Variants in ABCA4 observed in about 807,000 individuals in gnomAD.
The protein encoded by ABCA4 is ATP binding cassette subfamily A member 4.
Under a neutral mutation model 263.7 loss-of-function variants are expected in ABCA4, and 196 were observed. The ratio of observed to expected loss-of-function variants is 0.74; its 90% CI spans 0.66 to 0.84. ABCA4 has a LOEUF of 0.84. ABCA4 is among the 40% of genes least tolerant of loss of function. ABCA4 has a pLI of 0.00. For synonymous variants in ABCA4, 1,133 were observed against 1,094.2 expected (o/e 1.04, Z -0.70); for missense variants, 2,792 against 2,855.1 (o/e 0.98, Z 0.50).
intron 30 of ABCA4, among the ~76,000 whole-genome samples, chr1:94,028,060 T>C (rs1257017222): frequency 6.6e-6 from 1 of 152,214 alleles, no homozygotes; most frequent in African/African-American, 2.4e-5. Flanking sequence ...CCCACATGAT[T>C]TCATTAAATC....
rs1280860815 is a variant in ABCA4 at position 94,032,183 on chromosome 1, ATCT to A, written c.3863-143_3863-141del. 1.1e-5 allele frequency: 11 copies of A among 1,025,262 alleles called. No individual in the cohort carries two copies. In the Admixed American group the frequency reaches 1.8e-4, roughly 17 times the overall value. The allele number at this position is 1,025,262 out of a possible 1,614,324, so 63.5% of individuals were successfully genotyped here. On this transcript the variant is annotated intron_variant, in intron 26 of 49. Transcript: ENST00000370225. ...GAAATACCAGGCTGGTAGCTTAATC[ATCT>A]TTATAAAAATCTATTTCTAGTGTAA...
chr1:94,107,344 A>C (rs1006530081), intron 4 of ABCA4, among the ~76,000 whole-genome samples: 4 of 152,186 alleles, frequency 2.6e-5, no homozygotes, highest in African/African-American at 9.7e-5. Flanking sequence ...CCAAAGCTGC[A>C]GCAACCCCTG....
At chr1:94,048,809 T>A in intron 18 of ABCA4, 59 bp downstream of exon 18, 1 of 1,538,928 alleles carries the variant, frequency 6.5e-7, no homozygotes, top group Non-Finnish European at 9.0e-7. Flanking sequence ...GCTCTGGCCC[T>A]CTGCAGTGCT....
intron 30 of ABCA4, among the ~76,000 whole-genome samples, chr1:94,028,357 T>C (rs1465747276): frequency 6.6e-6 from 1 of 152,226 alleles, no homozygotes; most frequent in Non-Finnish European, 1.5e-5. Flanking sequence ...TAATCTGTTC[T>C]GGACTTTAGA....
intron 6 of ABCA4, among the ~76,000 whole-genome samples, chr1:94,093,994 C>T (rs1662047518): frequency 6.6e-6 from 1 of 152,166 alleles, no homozygotes; most frequent in Non-Finnish European, 1.5e-5. Context: ...CCTGCTGTTC[C>T]CTGGTACTGG....
intron 38 of ABCA4, among the ~76,000 whole-genome samples, chr1:94,014,113 T>A (rs1659650367): frequency 6.6e-6 from 1 of 152,118 alleles, no homozygotes; most frequent in African/African-American, 2.4e-5. Context: ...AATCAAGTTT[T>A]GCTTGCAGAA....
At chr1:94,114,489 T>TC (rs1310815752) in intron 1 of ABCA4, among the ~76,000 whole-genome samples, 1 of 77,656 alleles carries the variant, frequency 1.3e-5, no homozygotes, top group Non-Finnish European at 2.8e-5. Flanking sequence ...CGTGAGGCAC[T>TC]TTTTTTTTTC....
intron 4 of ABCA4, among the ~76,000 whole-genome samples, chr1:94,104,482 C>T (rs1382204494): frequency 6.6e-6 from 1 of 152,234 alleles, no homozygotes; most frequent in Non-Finnish European, 1.5e-5. Flanking sequence ...TGGACAGCCA[C>T]CCTTCTCATC....
chr1:94,118,383 C>G (rs1662858630), intron 1 of ABCA4, among the ~76,000 whole-genome samples: 1 of 152,216 alleles, frequency 6.6e-6, no homozygotes. Flanking sequence ...TACTCTTGCT[C>G]TGCTTACAGG....
At position 94,111,572 on chromosome 1, in the gene ABCA4, G is replaced by A. The variant is rs1662606435; in HGVS notation, c.168C>T (p.Phe56=). The A allele has an allele frequency of 6.2e-7, 1 of 1,614,226 alleles. No individual in the cohort carries two copies. The highest frequency in any genetic ancestry group is 8.5e-7 in the Non-Finnish European group (1 of 1,180,038). Reference sequence around the variant, plus strand: ...CTGCTGAGGGCATCGCCTTGTTGGGGAAATGGCCTTTAAAACAGAAAATGA... The same window carrying A: ...CTGCTGAGGGCATCGCCTTGTTGGGAAAATGGCCTTTAAAACAGAAAATGA... ...NPLYSHHECH[F]PNKAMPSAGM... The change falls in exon 3 of 50, where the codon TTC becomes TTT. Residue 56 remains phenylalanine (F), a synonymous_variant. Coordinates refer to ENST00000370225, the MANE Select transcript of ABCA4 (RefSeq NM_000350.3).
At chr1:94,096,741 T>C (rs568424354) in intron 6 of ABCA4, among the ~76,000 whole-genome samples, 3 of 152,252 alleles carry the variant, frequency 2.0e-5, no homozygotes, top group African/African-American at 7.2e-5. Context: ...GGCATTGACA[T>C]CCCAGAATCA....
intron 30 of ABCA4, among the ~76,000 whole-genome samples, chr1:94,025,789 G>A (rs1368304528): frequency 6.6e-6 from 1 of 152,096 alleles, no homozygotes; most frequent in Non-Finnish European, 1.5e-5. Flanking sequence ...CCTCCCGATG[G>A]ATCTGTTTAC....
intron 38 of ABCA4, among the ~76,000 whole-genome samples, chr1:94,013,814 CAG>C (rs1659643190): frequency 6.6e-6 from 1 of 152,262 alleles, no homozygotes; most frequent in African/African-American, 2.4e-5. Context: ...TAGTATATGT[CAG>C]AGTGTTACAA....
At chr1:94,016,839 T>C (rs986115254) in intron 36 of ABCA4, among the ~76,000 whole-genome samples, 8 of 152,114 alleles carry the variant, frequency 5.3e-5, no homozygotes, top group African/African-American at 1.9e-4. Flanking sequence ...GACCTTGGCT[T>C]CTGAGGGCCA....
chr1:94,099,590 C>T (rs1662232942), intron 5 of ABCA4, among the ~76,000 whole-genome samples: 1 of 152,212 alleles, frequency 6.6e-6, no homozygotes, highest in Non-Finnish European at 1.5e-5. Flanking sequence ...AAGGCTTCCT[C>T]TCTGAAGGTG....
chr1:94,111,664 G>T lies in ABCA4; in HGVS notation c.161-85C>A. 4 of 1,529,718 alleles carry T rather than the reference G, an allele frequency of 2.6e-6. No homozygotes were observed. In the South Asian group the frequency reaches 4.5e-5, roughly 17 times the overall value. The allele number at this position is 1,529,718 out of a possible 1,614,324, so 94.8% of individuals were successfully genotyped here. On this transcript the variant is annotated intron_variant, in intron 2 of 49. Coordinates refer to ENST00000370225, the MANE Select transcript of ABCA4 (RefSeq NM_000350.3). The stretch of plus-strand genomic sequence containing the variant: ...ACCTAGGAGTTGGCCTTTTTGGGAA[G>T]GGGCCCGGGCCCCTCTGATGTCCTC...
chr1:94,091,069 G>C (rs1249428361), intron 6 of ABCA4, among the ~76,000 whole-genome samples: 1 of 152,200 alleles, frequency 6.6e-6, no homozygotes, highest in African/African-American at 2.4e-5. Flanking sequence ...CAGCAAGAAA[G>C]AGTGACTAGA....
intron 30 of ABCA4, 150 bp downstream of exon 30, chr1:94,029,295 C>T: frequency 2.6e-6 from 2 of 781,856 alleles, no homozygotes; most frequent in Non-Finnish European, 1.9e-6. Flanking sequence ...TGGGGAGCCC[C>T]TCCCAGAGGG....
In ABCA4 at chr1:94,050,536, C is replaced by A. The variant is rs181340862; in HGVS notation, c.2653+1097G>T. 2.9e-3 allele frequency among the ~76,000 whole-genome samples: 445 copies of A among 152,292 alleles called. 2 individuals are homozygous for A. Among genetic ancestry groups the A allele is most frequent in the African/African-American group, 0.01 (428 of 41,560 alleles). On this transcript the variant is annotated intron_variant, in intron 17 of 49. Transcript: ENST00000370225. ...CGTTGGCAAACATATTTGTGATTCA[C>A]TTTTGAAGGAGCATATTTTCCTTAT... is the stretch of plus-strand genomic sequence containing the variant.
Sources: allele counts gnomAD v4.1 joint callset (sites outside exome capture counted in the v4.1 genomes callset), GRCh38; gene constraint gnomAD v4.1.1; transcripts MANE v1.5; gene names NCBI Gene and HGNC (gene_info 2026-07-23, HGNC 2026-07-21).